Variants in DLG2 observed in about 807,000 individuals in gnomAD.
DLG2 encodes the protein discs large MAGUK scaffold protein 2, also known as disks large homolog 2.
DLG2 carries 45 observed loss-of-function variants against 132.5 expected under a neutral mutation model. The ratio of observed to expected loss-of-function variants is 0.34; its 90% CI spans 0.27 to 0.44. DLG2 has a LOEUF of 0.44. Among genes scored for constraint, DLG2 ranks in the 20% least tolerant of loss-of-function variants. The pLI, the probability that DLG2 is intolerant of heterozygous loss-of-function variation, is 1.00. For synonymous variants in DLG2, 424 were observed against 419.6 expected (o/e 1.01, Z -0.13); for missense variants, 1,045 against 1,196.9 (o/e 0.87, Z 1.87).
intron 6 of DLG2, among the ~76,000 whole-genome samples, chr11:84,557,953 A>T (rs2099415253): frequency 6.6e-6 from 1 of 152,152 alleles, no homozygotes; most frequent in African/African-American, 2.4e-5. Flanking sequence ...ACATATGAGA[A>T]CTATGATTTT....
At chr11:84,333,191 AG>A (rs2098468979) in intron 7 of DLG2, among the ~76,000 whole-genome samples, 1 of 152,216 alleles carries the variant, frequency 6.6e-6, no homozygotes, top group Non-Finnish European at 1.5e-5. Flanking sequence ...GTCCAATGAA[AG>A]GTCTTTTGGA....
At chr11:84,417,864 A>G (rs566544887) in intron 7 of DLG2, among the ~76,000 whole-genome samples, 80 of 152,124 alleles carry the variant, frequency 5.3e-4, no homozygotes, top group Non-Finnish European at 8.8e-4. Flanking sequence ...ATAAAACTGA[A>G]CTTCTTTTTG....
intron 19 of DLG2, among the ~76,000 whole-genome samples, chr11:83,567,582 G>A (rs1370500109): frequency 6.6e-6 from 1 of 152,102 alleles, no homozygotes; most frequent in African/African-American, 2.4e-5. Context: ...GAGTCTAGTA[G>A]GAAAGAAAAT....
chr11:84,960,329 AG>A (rs2052364402), intron 6 of DLG2, among the ~76,000 whole-genome samples: 1 of 152,196 alleles, frequency 6.6e-6, no homozygotes, highest in Admixed American at 6.5e-5. Context: ...ATTTAATGTC[AG>A]TTTTTCTCCT....
intron 4 of DLG2, among the ~76,000 whole-genome samples, chr11:85,237,114 A>G (rs1192820877): frequency 1.3e-5 from 2 of 152,076 alleles, no homozygotes; most frequent in Non-Finnish European, 2.9e-5. Flanking sequence ...AAAATACGCC[A>G]CTGATTAAGC....
intron 3 of DLG2, among the ~76,000 whole-genome samples, chr11:85,432,864 C>A (rs528594970): frequency 3.3e-5 from 5 of 152,176 alleles, no homozygotes; most frequent in South Asian, 4.1e-4. Context: ...GACACATAAT[C>A]TTCAGATTCC....
At chr11:84,552,854 C>T (rs1427524759) in intron 6 of DLG2, among the ~76,000 whole-genome samples, 1 of 152,160 alleles carries the variant, frequency 6.6e-6, no homozygotes, top group Non-Finnish European at 1.5e-5. Context: ...ATATCACTCA[C>T]CCCTTTAAAA....
At chr11:85,568,798 CTTTT>C (rs140876386) in intron 3 of DLG2, among the ~76,000 whole-genome samples, 2,171 of 151,952 alleles carry the variant, frequency 0.014, 47 homozygotes, top group African/African-American at 0.049. Flanking sequence ...AGTCATCTCT[CTTTT>C]TTTTAATAGT....
chr11:83,611,972 A>AAC (rs2060182362), intron 19 of DLG2, among the ~76,000 whole-genome samples: 1 of 152,206 alleles, frequency 6.6e-6, no homozygotes, highest in Admixed American at 6.5e-5. Flanking sequence ...CACAGGTATA[A>AAC]ACATGGGTGA....
At chr11:84,956,853 T>C (rs1049981945) in intron 6 of DLG2, among the ~76,000 whole-genome samples, 3 of 152,076 alleles carry the variant, frequency 2.0e-5, no homozygotes, top group African/African-American at 7.2e-5. Flanking sequence ...TTCAGAAGAG[T>C]TGGTTTATTT....
At chr11:84,410,568 CAT>C (rs1277563483) in intron 7 of DLG2, among the ~76,000 whole-genome samples, 1 of 145,868 alleles carries the variant, frequency 6.9e-6, no homozygotes, top group Admixed American at 6.8e-5. Flanking sequence ...TTAAAAACCA[CAT>C]AAACTTTTTT....
chr11:84,939,360 G>A (rs1429520566), intron 6 of DLG2, among the ~76,000 whole-genome samples: 2 of 151,648 alleles, frequency 1.3e-5, no homozygotes, highest in Non-Finnish European at 2.9e-5. Flanking sequence ...GAGTAAATAG[G>A]GTATCTATCA....
intron 9 of DLG2, among the ~76,000 whole-genome samples, chr11:84,103,550 T>C (rs769827804): frequency 6.6e-6 from 1 of 152,270 alleles, no homozygotes; most frequent in East Asian, 1.9e-4. Flanking sequence ...TCCTTGCAGT[T>C]GGGAAGATTC....
At chr11:83,971,625 C>T (rs1342306717) in intron 12 of DLG2, among the ~76,000 whole-genome samples, 1 of 152,066 alleles carries the variant, frequency 6.6e-6, no homozygotes, top group Non-Finnish European at 1.5e-5. Context: ...TGATTACAGA[C>T]ATTAAGGTTA....
chr11:84,923,676 A>C, intron 6 of DLG2: 1 of 712,694 alleles, frequency 1.4e-6, no homozygotes, highest in South Asian at 6.3e-5. Flanking sequence ...CTGTTTGGCA[A>C]ATACTACAAA....
intron 25 of DLG2, among the ~76,000 whole-genome samples, chr11:83,467,206 A>G (rs1347585976): frequency 6.6e-6 from 1 of 152,192 alleles, no homozygotes; most frequent in African/African-American, 2.4e-5. Flanking sequence ...GGTAGGTATT[A>G]TCAGCTGCAT....
intron 6 of DLG2, among the ~76,000 whole-genome samples, chr11:84,740,947 C>T (rs1370893391): frequency 6.6e-6 from 1 of 152,120 alleles, no homozygotes; most frequent in Non-Finnish European, 1.5e-5. Context: ...GGGCATGGCC[C>T]TGGCCTTCAC....
chr11:83,907,994 T>C (rs1243349394), intron 15 of DLG2, among the ~76,000 whole-genome samples: 1 of 152,158 alleles, frequency 6.6e-6, no homozygotes, highest in African/African-American at 2.4e-5. Context: ...GCAACTGTCA[T>C]GTTATATTAT....
At chr11:84,112,084 C>G (rs2093378144) in intron 9 of DLG2, among the ~76,000 whole-genome samples, 1 of 151,926 alleles carries the variant, frequency 6.6e-6, no homozygotes, top group Admixed American at 6.6e-5. Context: ...GCGATCTTGG[C>G]TCACTGCAAG....
Sources: gnomAD v4.1 joint callset for allele counts (sites outside exome capture counted in the v4.1 genomes callset) on GRCh38, gnomAD v4.1.1 for gene constraint, MANE v1.5 for transcripts, NCBI Gene and HGNC (gene_info 2026-07-23, HGNC 2026-07-21) for gene names.